AIF1L: variants seen among roughly 807,000 people sequenced by gnomAD.
AIF1L encodes allograft inflammatory factor 1 like.
In AIF1L, 12 loss-of-function variants were observed where a neutral mutation model predicts 20.7. The ratio of observed to expected loss-of-function variants is 0.58; its 90% CI spans 0.37 to 0.94. AIF1L has a LOEUF of 0.94. Ranked by LOEUF, AIF1L falls within the 40% of genes least tolerant of loss-of-function variation. AIF1L has a pLI of 0.01. For synonymous variants in AIF1L, 76 were observed against 65.1 expected (o/e 1.17, Z -0.81); for missense variants, 173 against 185.3 (o/e 0.93, Z 0.39).
Position 131,114,690 on chromosome 9 carries a change from C to T in AIF1L, c.202+72C>T, listed in dbSNP as rs373562584. ...TAGAGGGCTTGAGGGACCCTCTGTG[C>T]GGGTGAGGGGCATGGGGCAGTCCGG... On this transcript the variant is annotated intron_variant, in intron 4 of 5. Transcript: ENST00000247291. The T allele has an allele frequency of 3.4e-5, 53 of 1,575,262 alleles. No homozygotes were observed. In the Middle Eastern group the frequency reaches 5.0e-4, roughly 15 times the overall value.
chr9:131,113,307 G>A (rs958168643), intron 3 of AIF1L, among the ~76,000 whole-genome samples: 2 of 151,898 alleles, frequency 1.3e-5, no homozygotes, highest in African/African-American at 4.8e-5. Flanking sequence ...AGACCAGCCC[G>A]GCCAACATGG....
chr9:131,096,971 C>A, intron 2 of AIF1L, 108 bp downstream of exon 2: 1 of 1,255,466 alleles, frequency 8.0e-7, no homozygotes, highest in Non-Finnish European at 1.0e-6. Flanking sequence ...CCTCTTCCTT[C>A]CCTTCCCCTG....
intron 2 of AIF1L, among the ~76,000 whole-genome samples, chr9:131,108,565 T>A (rs187571425): frequency 6.6e-6 from 1 of 152,278 alleles, no homozygotes; most frequent in Admixed American, 6.5e-5. Context: ...ACTTGTAAAA[T>A]GGGAATAATA....
rs769483647 is a variant in AIF1L at position 131,120,232 on chromosome 9, CAG to C, written c.366_367del. On this transcript the variant is annotated splice_acceptor_variant, in intron 5 of 5. Coordinates refer to ENST00000247291, the MANE Select transcript of AIF1L (RefSeq NM_031426.4). LOFTEE classifies it high-confidence loss of function. Reference sequence around the variant, plus strand: ...TTTTTTCTTTTCTCCATCTCCAAACCAGAGTCATGATGTTTGAAGGAAAAGCC... The same window carrying C: ...TTTTTTCTTTTCTCCATCTCCAAACCAGTCATGATGTTTGAAGGAAAAGCC... 4 of 1,612,026 alleles carry C rather than the reference CAG, an allele frequency of 2.5e-6. No individual in the cohort carries two copies. The South Asian group carries it at 4.4e-5, about 18-fold the overall frequency.
chr9:131,109,953 T>C (rs141502561), intron 2 of AIF1L, among the ~76,000 whole-genome samples: 56 of 152,292 alleles, frequency 3.7e-4, no homozygotes, highest in African/African-American at 1.3e-3. Flanking sequence ...CTCACACCTG[T>C]AATCCCAGCA....
intron 4 of AIF1L, among the ~76,000 whole-genome samples, chr9:131,117,137 G>A (rs996796775): frequency 4.6e-5 from 7 of 152,148 alleles, no homozygotes; most frequent in Non-Finnish European, 8.8e-5. Context: ...CTTGAATTTT[G>A]TTCTTTTGTT....
At chr9:131,118,674 G>A (rs1457591740) in intron 5 of AIF1L, among the ~76,000 whole-genome samples, 1 of 151,426 alleles carries the variant, frequency 6.6e-6, no homozygotes, top group Non-Finnish European at 1.5e-5. Context: ...AGCCTCCCGA[G>A]TAGCCAGGAT....
At chr9:131,114,666 AGAGGGCTTGAGG>A in intron 4 of AIF1L, 48 bp downstream of exon 4, 1 of 1,608,798 alleles carries the variant, frequency 6.2e-7, no homozygotes, top group South Asian at 1.1e-5. Flanking sequence ...TTAAGTGGGT[AGAGGGCTTGAGG>A]GACCCTCTGT....
intron 2 of AIF1L, among the ~76,000 whole-genome samples, chr9:131,101,865 G>A (rs1331231013): frequency 1.3e-5 from 2 of 152,044 alleles, no homozygotes; most frequent in Non-Finnish European, 1.5e-5. Flanking sequence ...TCGAATGAAG[G>A]GCACTCAGCA....
At chr9:131,120,201 CTTTCT>C (rs1373108249) in intron 5 of AIF1L, 29 bp from the exon 6 acceptor site, 12 of 1,600,022 alleles carry the variant, frequency 7.5e-6, no homozygotes, top group Non-Finnish European at 1.0e-5. Flanking sequence ...TCTTGTTTTT[CTTTCT>C]TTTTTTCTTT....
chr9:131,100,495 C>A (rs1588178688), intron 2 of AIF1L, among the ~76,000 whole-genome samples: 1 of 152,202 alleles, frequency 6.6e-6, no homozygotes, highest in African/African-American at 2.4e-5. Context: ...TGGGTTTAAA[C>A]AGCCTCGACT....
At position 131,096,564 on chromosome 9, in the gene AIF1L, T is replaced by G. The variant is rs1830529264; in HGVS notation, c.-66T>G. 6.8e-6 allele frequency: 10 copies of G among 1,475,748 alleles called. No individual in the cohort carries two copies. The South Asian group carries it at 1.1e-4, about 17-fold the overall frequency. The allele number at this position is 1,475,748 out of a possible 1,614,324, so 91.4% of individuals were successfully genotyped here. On this transcript the variant is annotated 5_prime_UTR_variant, in exon 1 of 6. Transcript: ENST00000247291. The stretch of plus-strand genomic sequence containing the variant: ...CTAGCCGGAGCCCGGACCAGGCGCC[T>G]GTGCCTCCTCCTCGTCCCTCGCCGC...
At chr9:131,118,599 T>A (rs1215463147) in intron 5 of AIF1L, among the ~76,000 whole-genome samples, 4 of 150,474 alleles carry the variant, frequency 2.7e-5, no homozygotes, top group African/African-American at 9.8e-5. Context: ...CAGGCTGGAG[T>A]GCAGTGACAT....
At chr9:131,111,859 C>A in intron 3 of AIF1L, 196 bp downstream of exon 3, 1 of 517,094 alleles carries the variant, frequency 1.9e-6, no homozygotes, top group East Asian at 3.1e-5. Context: ...TGCCTCCCTG[C>A]CCCTGCGGGC....
At position 131,099,538 on chromosome 9, in the gene AIF1L, C is replaced by G. The variant is rs530097054; in HGVS notation, c.93+2675C>G. ...GGATTCTGGGGGCCTGGGCTAAGCC[C>G]AGGATTCACTGCCAAAGCCCTGCTT... is the stretch of plus-strand genomic sequence containing the variant. On this transcript the variant is annotated intron_variant, in intron 2 of 5. Transcript: ENST00000247291. Among the ~76,000 whole-genome samples, 6 of 152,232 alleles carry G rather than the reference C, an allele frequency of 3.9e-5. No homozygotes were observed. The East Asian group carries it at 7.7e-4, about 20-fold the overall frequency.
chr9:131,097,144 C>T (rs1223409974), intron 2 of AIF1L, among the ~76,000 whole-genome samples: 1 of 152,132 alleles, frequency 6.6e-6, no homozygotes, highest in East Asian at 1.9e-4. Flanking sequence ...CCAGCCGGCT[C>T]GTGGCTCCCC....
Position 131,096,538 on chromosome 9 carries a change from G to A in AIF1L, c.-92G>A. The A allele has an allele frequency of 7.0e-7, 1 of 1,427,674 alleles. No homozygotes were observed. Among genetic ancestry groups the A allele is most frequent in the South Asian group, 1.3e-5 (1 of 74,404 alleles). The allele number at this position is 1,427,674 out of a possible 1,614,324, so 88.4% of individuals were successfully genotyped here. ...CCCCTCGGTCCCGCGGCCACACGCA[G>A]CTAGCCGGAGCCCGGACCAGGCGCC... On this transcript the variant is annotated 5_prime_UTR_variant, in exon 1 of 6. Coordinates refer to ENST00000247291, the MANE Select transcript of AIF1L (RefSeq NM_031426.4).
In AIF1L at chr9:131,096,599, G is replaced by A; in HGVS notation, c.-31G>A. 1 of 1,485,184 alleles carries A rather than the reference G, an allele frequency of 6.7e-7. No individual in the cohort carries two copies. The highest frequency in any genetic ancestry group is 8.9e-7 in the Non-Finnish European group (1 of 1,126,042). The allele number at this position is 1,485,184 out of a possible 1,614,324, so 92.0% of individuals were successfully genotyped here. A position where few individuals can be genotyped will look rare whatever the true frequency, so the allele number is the denominator to read the frequency against. On this transcript the variant is annotated 5_prime_UTR_variant, in exon 1 of 6. Coordinates refer to ENST00000247291, the MANE Select transcript of AIF1L (RefSeq NM_031426.4). Reference sequence around the variant, plus strand: ...CCTCGTCCCTCGCCGCGTCCGCGAAGCCTGGAGCCGGCGGGAGCCCCGCGC... The same window carrying A: ...CCTCGTCCCTCGCCGCGTCCGCGAAACCTGGAGCCGGCGGGAGCCCCGCGC...
At chr9:131,103,983 G>A (rs1830690554) in intron 2 of AIF1L, among the ~76,000 whole-genome samples, 1 of 152,224 alleles carries the variant, frequency 6.6e-6, no homozygotes, top group African/African-American at 2.4e-5. Flanking sequence ...TGAACGCTGT[G>A]AGGAGTCCCT....
Sources: gnomAD v4.1 joint callset for allele counts (sites outside exome capture counted in the v4.1 genomes callset) on GRCh38, gnomAD v4.1.1 for gene constraint, MANE v1.5 for transcripts, NCBI Gene and HGNC (gene_info 2026-07-23, HGNC 2026-07-21) for gene names.